TRRAP: variants seen among roughly 807,000 people sequenced by gnomAD.
TRRAP encodes the protein transformation/transcription domain associated protein, also known as transformation/transcription domain-associated protein.
Under a neutral mutation model 438.8 loss-of-function variants are expected in TRRAP, and 41 were observed. The ratio of observed to expected loss-of-function variants is 0.09; its 90% confidence interval spans 0.07 to 0.12. The LOEUF (loss-of-function observed/expected upper bound fraction) is 0.12. TRRAP is among the 10% of genes least tolerant of loss of function. The probability of loss-of-function intolerance (pLI) is 1.00; values close to 1 mark genes in which losing one functional copy is unlikely to be tolerated. For synonymous variants in TRRAP, 1,994 were observed against 1,962.9 expected, an observed-to-expected ratio of 1.02 and a Z score of -0.42; for missense variants, 3,122 against 5,055.1, an observed-to-expected ratio of 0.62 and a Z score of 11.60.
In TRRAP at chr7:98,967,546, C is replaced by T. The variant is rs577110978; in HGVS notation, c.7360C>T (p.Leu2454=). ...AKLEPAFLSG[L]RCAQPLIRAK... ...ACTTGAGCCTGCCTTTCTCTCTGGG[C>T]TGCGCTGTGCCCAGCCACTCATCAG... The change falls in exon 51 of 73, where the codon CTG becomes TTG. Residue 2454 remains leucine (L), a synonymous_variant. Coordinates refer to ENST00000456197, the MANE Select transcript of TRRAP (RefSeq NM_001375524.1). 2 of 1,614,116 alleles carry T rather than the reference C, an allele frequency of 1.2e-6. No individual in the cohort carries two copies. The highest frequency in any genetic ancestry group is 2.2e-5 in the South Asian group (2 of 91,072).
intron 3 of TRRAP, among the ~76,000 whole-genome samples, chr7:98,885,744 T>C (rs1795667749): frequency 6.6e-6 from 1 of 152,140 alleles, no homozygotes; most frequent in South Asian, 2.1e-4. Context: ...GAAGAACTGA[T>C]CTGAGAGAAC....
At chr7:98,957,946 A>G (rs1337595124) in intron 43 of TRRAP, 35 bp from the exon 44 acceptor site, 1 of 1,593,482 alleles carries the variant, frequency 6.3e-7, no homozygotes, top group Non-Finnish European at 8.6e-7. Context: ...TAGTGTTGCG[A>G]TTCTCTTCCT....
intron 17 of TRRAP, 125 bp from the exon 18 acceptor site, chr7:98,911,897 A>G: frequency 1.2e-6 from 1 of 817,516 alleles, no homozygotes; most frequent in East Asian, 2.5e-5. Flanking sequence ...CCTTTGGTGG[A>G]TAATTAAATT....
At chr7:98,977,594 G>A (rs1406498821) in intron 56 of TRRAP, among the ~76,000 whole-genome samples, 1 of 152,216 alleles carries the variant, frequency 6.6e-6, no homozygotes, top group Non-Finnish European at 1.5e-5. Flanking sequence ...CTTTGCATTA[G>A]ATGCCAGCGT....
At chr7:98,881,295 G>T in intron 2 of TRRAP, 45 bp downstream of exon 2, 1 of 1,534,360 alleles carries the variant, frequency 6.5e-7, no homozygotes, top group South Asian at 1.2e-5. Context: ...AAATAAGGCC[G>T]GATGCGGTGG....
intron 30 of TRRAP, among the ~76,000 whole-genome samples, chr7:98,940,546 T>G (rs1463741997): frequency 1.3e-5 from 2 of 152,206 alleles, no homozygotes; most frequent in Non-Finnish European, 2.9e-5. Flanking sequence ...TTTAGTGCAG[T>G]ACGAAGACAG....
At chr7:98,940,349 C>T (rs1414599799) in intron 30 of TRRAP, among the ~76,000 whole-genome samples, 1 of 151,906 alleles carries the variant, frequency 6.6e-6, no homozygotes, top group Non-Finnish European at 1.5e-5. Context: ...CCGCCACGCC[C>T]AGCTAATTTT....
Position 98,927,225 on chromosome 7 carries a change from A to G in TRRAP, c.3034A>G (p.Thr1012Ala). 1 of 1,614,052 alleles carries G rather than the reference A, an allele frequency of 6.2e-7. No individual in the cohort carries two copies. The highest frequency in any genetic ancestry group is 8.5e-7 in the Non-Finnish European group (1 of 1,179,988). Residue 1012 changes from threonine (T) to alanine (A), a missense_variant, in exon 23 of 73, where the codon ACT becomes GCT. Physicochemically the swap from Thr to Ala is moderately conservative, Grantham distance 58. Coordinates refer to ENST00000456197, the MANE Select transcript of TRRAP (RefSeq NM_001375524.1). ...CTCACATCGCTACAAAGCCCAGGAC[A>G]CTCCAGCCCGGAAGACTTTTGAGCA... ...IISHRYKAQD[T>A]PARKTFEQAL...
At chr7:98,987,081 T>G (rs1793185214) in intron 62 of TRRAP, among the ~76,000 whole-genome samples, 1 of 152,162 alleles carries the variant, frequency 6.6e-6, no homozygotes, top group Non-Finnish European at 1.5e-5. Context: ...GCCCAGGAGT[T>G]TGAGACCAAC....
At chr7:98,997,116 A>AC (rs1461671670) in intron 67 of TRRAP, among the ~76,000 whole-genome samples, 3 of 151,468 alleles carry the variant, frequency 2.0e-5, no homozygotes, top group African/African-American at 7.3e-5. Context: ...GACCAGCCTG[A>AC]CCAACATGGT....
At chr7:98,928,835 G>A (rs1267237477) in intron 23 of TRRAP, among the ~76,000 whole-genome samples, 3 of 151,708 alleles carry the variant, frequency 2.0e-5, no homozygotes, top group South Asian at 2.1e-4. Context: ...GTGCAGTGGC[G>A]TGGTCATGGC....
Position 98,945,958 on chromosome 7 carries a change from C to A in TRRAP, c.4548+8C>A. The stretch of plus-strand genomic sequence containing the variant: ...GCCATGGAAGGGGTAGAGGTGAGAA[C>A]TTGAGCGGAGCTACAGGAGGGGGTT... On this transcript the variant is annotated splice_region_variant and intron_variant, in intron 33 of 72. Coordinates refer to ENST00000456197, the MANE Select transcript of TRRAP (RefSeq NM_001375524.1). 1 of 1,458,588 alleles carries A rather than the reference C, an allele frequency of 6.9e-7. No homozygotes were observed. Among genetic ancestry groups the A allele is most frequent in the Admixed American group, 2.4e-5 (1 of 41,356 alleles). 90.4% of individuals were successfully genotyped at this position (1,458,588 alleles called of 1,614,324 possible).
At chr7:98,924,910 A>G (rs1789975198) in intron 21 of TRRAP, among the ~76,000 whole-genome samples, 1 of 151,630 alleles carries the variant, frequency 6.6e-6, no homozygotes, top group Admixed American at 6.6e-5. Context: ...AGGCTGAAGC[A>G]GGAGAATGGC....
rs782247663 is a variant in TRRAP, at chr7:98,911,170, G to T, written c.1906G>T (p.Ala636Ser). 6.2e-7 allele frequency: 1 copy of T among 1,614,178 alleles called. No homozygotes were observed. Among genetic ancestry groups the T allele is most frequent in the Non-Finnish European group, 8.5e-7 (1 of 1,180,036 alleles). Reference protein sequence around the residue: ...KEEKEVLEHFAGVFTMMNPLT... With the variant: ...KEEKEVLEHFSGVFTMMNPLT... ...GGAGAAGGAGGTATTGGAGCATTTC[G>T]CTGGTGTGTTCACAATGATGAACCC... The change falls in exon 17 of 73, where the codon GCT becomes TCT. Residue 636 changes from alanine to serine, a missense_variant. Ala to Ser is a moderately conservative substitution (Grantham distance 99). Around this residue, in one of 24 missense-constraint regions of TRRAP, gnomAD observed 149 missense variants for 302.8 expected, o/e 0.49. Coordinates refer to ENST00000456197, the MANE Select transcript of TRRAP (RefSeq NM_001375524.1).
chr7:98,970,216 C>T lies in TRRAP; in HGVS notation c.7617C>T (p.Asp2539=), dbSNP rs578260549. ...TCATCAACCTGGCCGATAGCCACGA[C>T]CGTGCCGCCTTCGCCATGGTCACAC... ...TNVINLADSH[D]RAAFAMVTHV... is the part of the protein sequence containing the mutation. Residue 2539 remains aspartate (D), a synonymous_variant, in exon 52 of 73, where the codon GAC becomes GAT. Transcript: ENST00000456197. 6.2e-7 allele frequency: 1 copy of T among 1,613,838 alleles called. No homozygotes were observed. The highest frequency in any genetic ancestry group is 1.3e-5 in the African/African-American group (1 of 75,056).
intron 67 of TRRAP, among the ~76,000 whole-genome samples, chr7:99,003,141 T>C (rs993952835): frequency 6.6e-6 from 1 of 152,152 alleles, no homozygotes; most frequent in Non-Finnish European, 1.5e-5. Context: ...GTTGGGTTCG[T>C]CCTGACCTCC....
At chr7:98,905,604 G>A (rs1584291948) in intron 12 of TRRAP, among the ~76,000 whole-genome samples, 1 of 152,254 alleles carries the variant, frequency 6.6e-6, no homozygotes, top group Non-Finnish European at 1.5e-5. Flanking sequence ...TAAGTTTAGG[G>A]GTGGTTCCAC....
Position 98,967,035 on chromosome 7 carries a change from A to C in TRRAP, c.7177-6A>C. On this transcript the variant is annotated splice_polypyrimidine_tract_variant and splice_region_variant and intron_variant, in intron 49 of 72. Coordinates refer to ENST00000456197, the MANE Select transcript of TRRAP (RefSeq NM_001375524.1). The stretch of plus-strand genomic sequence containing the variant: ...TTAACTGCGTCTTTTCTCAAATTTC[A>C]TACAGACACCTACACTCCGGGAGAA... The C allele has an allele frequency of 6.3e-7, 1 of 1,599,550 alleles. No homozygotes were observed. Among genetic ancestry groups the C allele is most frequent in the South Asian group, 1.1e-5 (1 of 88,844 alleles).
chr7:98,965,954 A>C (rs1792134054), intron 49 of TRRAP, 59 bp downstream of exon 49: 9 of 1,582,952 alleles, frequency 5.7e-6, no homozygotes, highest in Admixed American at 1.7e-5. Context: ...TTCAAGCCTC[A>C]ACATCTTGGT....
Sources: allele counts gnomAD v4.1 joint callset (sites outside exome capture counted in the v4.1 genomes callset), GRCh38; gene constraint gnomAD v4.1.1; regional missense constraint gnomAD v4.1.1; transcripts MANE v1.5; gene names NCBI Gene and HGNC (gene_info 2026-07-23, HGNC 2026-07-21).